Variants in CNKSR3 observed in about 807,000 individuals in gnomAD.
CNKSR3 encodes the protein CNKSR family member 3, also known as connector enhancer of kinase suppressor of ras 3.
A neutral mutation model predicts 67.7 loss-of-function variants in CNKSR3; 36 were observed. That is an observed-to-expected ratio of 0.53 (90% CI 0.41 to 0.70). The LOEUF (loss-of-function observed/expected upper bound fraction) is 0.70, where lower values mean the gene tolerates loss of function less well. Among genes scored for constraint, CNKSR3 ranks in the 30% least tolerant of loss-of-function variants. CNKSR3 has a pLI of 0.00. For missense variants in CNKSR3, 630 were observed against 695.2 expected, an observed-to-expected ratio of 0.91 and a Z score of 1.05; for synonymous variants, 281 against 271.4, an observed-to-expected ratio of 1.04 and a Z score of -0.35.
chr6:154,417,826 G>C (rs1785053647), intron 9 of CNKSR3, among the ~76,000 whole-genome samples: 2 of 152,072 alleles, frequency 1.3e-5, no homozygotes, highest in Admixed American at 6.5e-5. Context: ...CTGACTCCTT[G>C]ACTTTGAACT....
chr6:154,498,827 G>A (rs1193708010), intron 1 of CNKSR3, among the ~76,000 whole-genome samples: 1 of 152,218 alleles, frequency 6.6e-6, no homozygotes, highest in Non-Finnish European at 1.5e-5. Flanking sequence ...TTGTGACTCA[G>A]TATTGCTCTT....
intron 1 of CNKSR3, among the ~76,000 whole-genome samples, chr6:154,479,867 C>T (rs1786531105): frequency 6.6e-6 from 1 of 152,210 alleles, no homozygotes; most frequent in Admixed American, 6.5e-5. Context: ...TTGCAACTTA[C>T]TGTAACTGTA....
chr6:154,461,709 T>C (rs1318106147), intron 1 of CNKSR3, among the ~76,000 whole-genome samples: 3 of 152,200 alleles, frequency 2.0e-5, no homozygotes, highest in African/African-American at 7.2e-5. Flanking sequence ...AATTACCAGG[T>C]ATATAGTAAG....
At position 154,412,639 on chromosome 6, in the gene CNKSR3, C is replaced by T. The variant is rs565158074; in HGVS notation, c.1071-1497G>A. Reference sequence around the variant, plus strand: ...GATCACCTGAGGTACATTCTCTACACGCTATAATAAGTTCTGAGTAAGCCA... The same window carrying T: ...GATCACCTGAGGTACATTCTCTACATGCTATAATAAGTTCTGAGTAAGCCA... On this transcript the variant is annotated intron_variant, in intron 10 of 12. Coordinates refer to ENST00000607772, the MANE Select transcript of CNKSR3 (RefSeq NM_173515.4). Among the ~76,000 whole-genome samples, 8 of 152,246 alleles carry T rather than the reference C, an allele frequency of 5.3e-5. No homozygotes were observed. In the East Asian group the frequency reaches 7.7e-4, roughly 15 times the overall value.
intron 1 of CNKSR3, among the ~76,000 whole-genome samples, chr6:154,460,677 T>C (rs1786060296): frequency 6.6e-6 from 1 of 152,068 alleles, no homozygotes; most frequent in South Asian, 2.1e-4. Context: ...GCTGTACTTT[T>C]TGCCTCCTCT....
intron 1 of CNKSR3, among the ~76,000 whole-genome samples, chr6:154,509,569 T>A (rs1045270668): frequency 2.0e-5 from 3 of 152,074 alleles, no homozygotes; most frequent in Admixed American, 2.0e-4. Context: ...ACAGACAGGC[T>A]CGGCGGACCC....
At chr6:154,435,986 G>A (rs368463758) in intron 4 of CNKSR3, among the ~76,000 whole-genome samples, 1 of 152,160 alleles carries the variant, frequency 6.6e-6, no homozygotes, top group East Asian at 1.9e-4. Flanking sequence ...CGCGTCAAGC[G>A]TGGATGCACA....
intron 5 of CNKSR3, 94 bp from the exon 6 acceptor site, chr6:154,430,685 G>C: frequency 8.4e-7 from 1 of 1,189,264 alleles, no homozygotes; most frequent in Non-Finnish European, 1.2e-6. Flanking sequence ...ACCTATAATT[G>C]TTAGTTCTGG....
intron 1 of CNKSR3, among the ~76,000 whole-genome samples, chr6:154,463,201 C>T (rs1325750232): frequency 1.3e-5 from 2 of 150,792 alleles, no homozygotes; most frequent in African/African-American, 2.4e-5. Context: ...TCCCGAGTAG[C>T]TGGGACTACA....
chr6:154,486,692 C>T (rs1014980792), intron 1 of CNKSR3, among the ~76,000 whole-genome samples: 1 of 151,038 alleles, frequency 6.6e-6, no homozygotes, highest in African/African-American at 2.4e-5. Context: ...CGGGGTTTCA[C>T]TATGTTGGCC....
chr6:154,441,405 A>G (rs1016143086), intron 3 of CNKSR3, 26 bp from the exon 4 acceptor site: 3 of 1,567,302 alleles, frequency 1.9e-6, no homozygotes, highest in African/African-American at 2.7e-5. Flanking sequence ...AATCCTCTTA[A>G]AAAGGGGTAG....
chr6:154,466,646 G>T (rs1786205069), intron 1 of CNKSR3, among the ~76,000 whole-genome samples: 1 of 152,018 alleles, frequency 6.6e-6, no homozygotes, highest in Admixed American at 6.6e-5. Context: ...TTGAGACAGG[G>T]TCTAGCTCTG....
intron 9 of CNKSR3, among the ~76,000 whole-genome samples, chr6:154,415,126 G>GAAAGA (rs1180049737): frequency 7.4e-5 from 8 of 107,468 alleles, no homozygotes; most frequent in Admixed American, 3.7e-4. Flanking sequence ...AAAAAAACAA[G>GAAAGA]AAAGAAAAGA....
At chr6:154,462,780 C>T (rs1352808776) in intron 1 of CNKSR3, among the ~76,000 whole-genome samples, 1 of 152,190 alleles carries the variant, frequency 6.6e-6, no homozygotes, top group African/African-American at 2.4e-5. Flanking sequence ...TTCTGTTATT[C>T]GCTGTGCCCT....
chr6:154,413,177 A>G (rs1784944470), intron 10 of CNKSR3, among the ~76,000 whole-genome samples: 1 of 120,932 alleles, frequency 8.3e-6, no homozygotes, highest in African/African-American at 3.0e-5. Context: ...CACACACACA[A>G]ATATGAAATG....
At chr6:154,509,717 G>A (rs947028907) in intron 1 of CNKSR3, among the ~76,000 whole-genome samples, 18 of 152,096 alleles carry the variant, frequency 1.2e-4, no homozygotes, top group African/African-American at 4.3e-4. Context: ...CCGGGTCGCC[G>A]GGCACCGCAC....
intron 1 of CNKSR3, among the ~76,000 whole-genome samples, chr6:154,461,399 A>G (rs537655750): frequency 6.6e-6 from 1 of 152,340 alleles, no homozygotes; most frequent in South Asian, 2.1e-4. Flanking sequence ...GAAATGGCAT[A>G]ATTTATAGTT....
intron 1 of CNKSR3, among the ~76,000 whole-genome samples, chr6:154,497,283 T>C (rs1394707675): frequency 6.6e-6 from 1 of 151,774 alleles, no homozygotes; most frequent in Non-Finnish European, 1.5e-5. Context: ...TCCTGCTACT[T>C]AGGAGGCTGA....
rs34887626 is a variant in CNKSR3 at position 154,441,242 on chromosome 6, CAAAAA to C, written c.507+45_507+49del. ...AAAATCCTTTCAAGAAGAGGAAAAG[CAAAAA>C]AAAAAAAAAAAAAAAAAAGAAAGTG... On this transcript the variant is annotated intron_variant, in intron 4 of 12. Transcript: ENST00000607772. 9.5e-3 allele frequency: 7,945 copies of C among 840,600 alleles called. 4 individuals carry two copies. The highest frequency in any genetic ancestry group is 0.011 in the Non-Finnish European group (6,075 of 566,858). The allele number at this position is 840,600 out of a possible 1,614,324, so 52.1% of individuals were successfully genotyped here.
Sources: allele counts gnomAD v4.1 joint callset (sites outside exome capture counted in the v4.1 genomes callset), GRCh38; gene constraint gnomAD v4.1.1; transcripts MANE v1.5; gene names NCBI Gene and HGNC (gene_info 2026-07-23, HGNC 2026-07-21).